QRICH1: variants seen among roughly 807,000 people sequenced by gnomAD.
QRICH1 encodes transcriptional regulator QRICH1.
A neutral mutation model predicts 87.1 loss-of-function variants in QRICH1; 16 were observed. The observed-to-expected ratio is 0.18, with a 90% CI of 0.12 to 0.28. The LOEUF is 0.28. Among genes scored for constraint, QRICH1 ranks in the 10% least tolerant of loss-of-function variants. The probability of loss-of-function intolerance (pLI) is 1.00; values close to 1 mark genes in which losing one functional copy is unlikely to be tolerated. For synonymous variants in QRICH1, 367 were observed against 368.4 expected (o/e 1.00, Z 0.05); for missense variants, 647 against 951.7 (o/e 0.68, Z 4.21).
chr3:49,087,740 ACCATG>A (rs1314733360), intron 1 of QRICH1, among the ~76,000 whole-genome samples: 2 of 129,714 alleles, frequency 1.5e-5, no homozygotes, highest in Non-Finnish European at 3.2e-5. Context: ...CAGGCGGGGT[ACCATG>A]CGCCTGTAGT....
intron 2 of QRICH1, among the ~76,000 whole-genome samples, chr3:49,073,279 G>A (rs369881496): frequency 1.3e-5 from 2 of 152,134 alleles, no homozygotes; most frequent in South Asian, 2.1e-4. Context: ...GGCCAGGCAC[G>A]GTGGATCACA....
intron 2 of QRICH1, among the ~76,000 whole-genome samples, chr3:49,063,244 C>T (rs2093445812): frequency 6.6e-6 from 1 of 152,088 alleles, no homozygotes; most frequent in Non-Finnish European, 1.5e-5. Context: ...AATATTATTT[C>T]CTTGCACCAG....
At chr3:49,032,444 C>A in intron 8 of QRICH1, 171 bp from the exon 9 acceptor site, 1 of 896,468 alleles carries the variant, frequency 1.1e-6, no homozygotes, top group Non-Finnish European at 1.7e-6. Context: ...GCTATTCTGT[C>A]TGGGGCTTCT....
At chr3:49,084,090 G>A (rs1486165641) in intron 1 of QRICH1, among the ~76,000 whole-genome samples, 12 of 151,480 alleles carry the variant, frequency 7.9e-5, no homozygotes, top group Middle Eastern at 3.4e-3. Context: ...ATGAGCCACC[G>A]CACCCGGCCC....
chr3:49,083,799 C>T (rs1397442917), intron 1 of QRICH1, among the ~76,000 whole-genome samples: 25 of 151,700 alleles, frequency 1.6e-4, no homozygotes, highest in Non-Finnish European at 3.7e-4. Flanking sequence ...TGTGGTGCTG[C>T]ATACCTGTAG....
At chr3:49,066,593 T>C (rs1399565926) in intron 2 of QRICH1, among the ~76,000 whole-genome samples, 2 of 151,772 alleles carry the variant, frequency 1.3e-5, no homozygotes, top group South Asian at 2.1e-4. Context: ...GCCTCCTGAG[T>C]AGCTGGGATT....
chr3:49,053,015 G>A (rs1217251201), intron 3 of QRICH1, among the ~76,000 whole-genome samples: 1 of 152,180 alleles, frequency 6.6e-6, no homozygotes, highest in African/African-American at 2.4e-5. Context: ...GGAGGATGCT[G>A]AAAACCATGG....
At chr3:49,068,278 G>T (rs181801131) in intron 2 of QRICH1, among the ~76,000 whole-genome samples, 3 of 151,800 alleles carry the variant, frequency 2.0e-5, no homozygotes, top group Non-Finnish European at 4.4e-5. Context: ...GATCAATTGC[G>T]CCCAGGAGTT....
intron 3 of QRICH1, 128 bp from the exon 4 acceptor site, chr3:49,047,374 A>C: frequency 2.2e-6 from 2 of 918,234 alleles, no homozygotes; most frequent in Non-Finnish European, 3.2e-6. Context: ...TTGCTGTCCT[A>C]CTTTTAAGAA....
chr3:49,059,562 G>A (rs907617146), intron 2 of QRICH1, among the ~76,000 whole-genome samples: 1 of 143,394 alleles, frequency 7.0e-6, no homozygotes, highest in African/African-American at 2.6e-5. Context: ...TGGGACTACA[G>A]ACGCATGCCA....
intron 6 of QRICH1, among the ~76,000 whole-genome samples, chr3:49,034,079 T>TTATTATTA (rs2093259564): frequency 2.0e-5 from 3 of 147,208 alleles, no homozygotes; most frequent in African/African-American, 7.4e-5. Flanking sequence ...TTTGGGGGAT[T>TTATTATTA]TTATTATTAT....
At chr3:49,035,403 G>C (rs1050306971) in intron 6 of QRICH1, among the ~76,000 whole-genome samples, 1 of 152,002 alleles carries the variant, frequency 6.6e-6, no homozygotes, top group African/African-American at 2.4e-5. Context: ...TTTTTCTCCT[G>C]GGAACAATTA....
In QRICH1 at chr3:49,093,895, C is replaced by G; in HGVS notation, c.-22+17G>C. 2.5e-6 allele frequency: 1 copy of G among 392,476 alleles called. No individual in the cohort carries two copies. The allele number at this position is 392,476 out of a possible 1,614,324, so 24.3% of individuals were successfully genotyped here. On this transcript the variant is annotated intron_variant, in intron 1 of 9. Coordinates refer to ENST00000395443, the MANE Select transcript of QRICH1 (RefSeq NM_198880.3). Reference sequence around the variant, plus strand: ...CCTACAGCTTCGCCGCATCCCCACCCGCACTGGAGCCCTCACCCGGCGACG... The same window carrying G: ...CCTACAGCTTCGCCGCATCCCCACCGGCACTGGAGCCCTCACCCGGCGACG...
intron 6 of QRICH1, among the ~76,000 whole-genome samples, chr3:49,035,452 T>A (rs2093268961): frequency 6.6e-6 from 1 of 152,190 alleles, no homozygotes; most frequent in South Asian, 2.1e-4. Flanking sequence ...CTGGGTTCGC[T>A]CTGTCACTTG....
chr3:49,034,587 C>T (rs1485109560), intron 6 of QRICH1, among the ~76,000 whole-genome samples: 1 of 152,198 alleles, frequency 6.6e-6, no homozygotes, highest in Non-Finnish European at 1.5e-5. Flanking sequence ...GTTAGAAATA[C>T]AGGCGTGAAC....
At chr3:49,077,533 C>T (rs1364515214) in intron 1 of QRICH1, among the ~76,000 whole-genome samples, 5 of 152,184 alleles carry the variant, frequency 3.3e-5, no homozygotes, top group Non-Finnish European at 7.3e-5. Context: ...AGGATATGTT[C>T]TTCATCTCCC....
chr3:49,053,921 T>G (rs1259915279), intron 3 of QRICH1, among the ~76,000 whole-genome samples: 1 of 152,164 alleles, frequency 6.6e-6, no homozygotes, highest in Non-Finnish European at 1.5e-5. Flanking sequence ...TAGAAAAGAC[T>G]GTCTTATTCA....
intron 3 of QRICH1, among the ~76,000 whole-genome samples, chr3:49,056,130 C>G (rs2093400985): frequency 6.6e-6 from 1 of 152,112 alleles, no homozygotes; most frequent in Non-Finnish European, 1.5e-5. Flanking sequence ...TACCTGCCAC[C>G]ATGCCCAGCT....
chr3:49,091,677 A>G (rs1227469565), intron 1 of QRICH1, among the ~76,000 whole-genome samples: 2 of 152,246 alleles, frequency 1.3e-5, no homozygotes, highest in African/African-American at 2.4e-5. Flanking sequence ...CTTAGTTGAC[A>G]AACTTGGAGA....
Sources: gnomAD v4.1 joint callset for allele counts (sites outside exome capture counted in the v4.1 genomes callset) on GRCh38, gnomAD v4.1.1 for gene constraint, MANE v1.5 for transcripts, NCBI Gene and HGNC (gene_info 2026-07-23, HGNC 2026-07-21) for gene names.